The following STAU2 variants were observed in gnomAD, a reference collection of about 807,000 sequenced individuals.
The protein encoded by STAU2 is double-stranded RNA-binding protein Staufen homolog 2.
Under a neutral mutation model 65.9 loss-of-function variants are expected in STAU2, and 20 were observed. The observed-to-expected ratio is 0.30, with a 90% CI of 0.21 to 0.44. The LOEUF (loss-of-function observed/expected upper bound fraction) is 0.44, where lower values mean the gene tolerates loss of function less well. Ranked by LOEUF, STAU2 falls within the 20% of genes least tolerant of loss-of-function variation. STAU2 has a pLI of 1.00. For missense variants in STAU2, 558 were observed against 683.9 expected (o/e 0.82, Z 2.05); for synonymous variants, 232 against 233.9 (o/e 0.99, Z 0.07).
At chr8:73,713,059 A>G (rs936294606) in intron 3 of STAU2, among the ~76,000 whole-genome samples, 12 of 152,236 alleles carry the variant, frequency 7.9e-5, no homozygotes, top group Non-Finnish European at 1.5e-4. Context: ...CTCAAATATG[A>G]TATAAATTAT....
At chr8:73,483,764 A>C (rs62508177) in intron 13 of STAU2, among the ~76,000 whole-genome samples, 20,091 of 152,156 alleles carry the variant, frequency 0.13, 1,828 homozygotes, top group East Asian at 0.51. Context: ...GAATTCCATT[A>C]AGGCTCCAGG....
At chr8:73,647,649 G>C (rs1243200666) in intron 6 of STAU2, among the ~76,000 whole-genome samples, 1 of 151,572 alleles carries the variant, frequency 6.6e-6, no homozygotes, top group Non-Finnish European at 1.5e-5. Context: ...TGTGATCATG[G>C]CTCGTAGTAG....
At chr8:73,639,598 G>T (rs1004183853) in intron 6 of STAU2, among the ~76,000 whole-genome samples, 13 of 152,066 alleles carry the variant, frequency 8.5e-5, no homozygotes, top group African/African-American at 3.1e-4. Context: ...ATAAACTTCT[G>T]TATTACAACT....
chr8:73,706,649 A>G (rs572832983), intron 4 of STAU2, among the ~76,000 whole-genome samples: 2 of 152,280 alleles, frequency 1.3e-5, no homozygotes, highest in South Asian at 4.1e-4. Context: ...CATGCCAATT[A>G]TTCTAGTACT....
At chr8:73,599,318 A>G (rs946171340) in intron 10 of STAU2, among the ~76,000 whole-genome samples, 4 of 152,220 alleles carry the variant, frequency 2.6e-5, no homozygotes, top group Non-Finnish European at 5.9e-5. Context: ...AGCATTATTT[A>G]GAAAGGAAAG....
chr8:73,463,624 C>T (rs1435343982), intron 13 of STAU2, among the ~76,000 whole-genome samples: 1 of 152,146 alleles, frequency 6.6e-6, no homozygotes. Context: ...ACATTTGGAC[C>T]CTTACTTTTA....
In STAU2 at chr8:73,462,867, G is replaced by C. The variant is rs551427299; in HGVS notation, c.1531-40165C>G. Among the ~76,000 whole-genome samples, 13 of 152,206 alleles carry C rather than the reference G, an allele frequency of 8.5e-5. No individual in the cohort carries two copies. The South Asian group carries it at 2.7e-3, about 32-fold the overall frequency. On this transcript the variant is annotated intron_variant, in intron 13 of 14. Coordinates refer to ENST00000524300, the MANE Select transcript of STAU2 (RefSeq NM_001164380.2). ...AAGACAACTTCTTTGAGTGCCTTTAGAGTATACACAGCAAAGACTATGGGA... is the reference window on the plus strand; with the variant it reads ...AAGACAACTTCTTTGAGTGCCTTTACAGTATACACAGCAAAGACTATGGGA...
At chr8:73,428,907 G>C (rs1817042827) in intron 13 of STAU2, among the ~76,000 whole-genome samples, 1 of 152,166 alleles carries the variant, frequency 6.6e-6, no homozygotes, top group African/African-American at 2.4e-5. Flanking sequence ...TGCCAGGCAG[G>C]TCCCCCGTGC....
chr8:73,681,083 T>A (rs1563502376), intron 5 of STAU2, among the ~76,000 whole-genome samples: 1 of 152,044 alleles, frequency 6.6e-6, no homozygotes, highest in Non-Finnish European at 1.5e-5. Flanking sequence ...TTGCTGGAGA[T>A]CTAGACATCC....
At chr8:73,452,320 A>G (rs1198500200) in intron 13 of STAU2, among the ~76,000 whole-genome samples, 1 of 152,144 alleles carries the variant, frequency 6.6e-6, no homozygotes, top group Non-Finnish European at 1.5e-5. Context: ...GGAGGCTCAA[A>G]GGGCCCATTT....
intron 6 of STAU2, among the ~76,000 whole-genome samples, chr8:73,654,637 CAAAAAA>C (rs71269928): frequency 4.2e-4 from 11 of 26,308 alleles, no homozygotes; most frequent in South Asian, 3.4e-3. Flanking sequence ...AAGATTGTCT[CAAAAAA>C]AAAAAAAAAA....
intron 13 of STAU2, among the ~76,000 whole-genome samples, chr8:73,534,116 C>A (rs1180239357): frequency 6.6e-6 from 1 of 152,152 alleles, no homozygotes; most frequent in Non-Finnish European, 1.5e-5. Flanking sequence ...TTGATTAGTA[C>A]ACCTCAGATC....
chr8:73,697,383 C>T (rs984040422), intron 4 of STAU2: 3 of 152,054 alleles, frequency 2.0e-5, no homozygotes, highest in African/African-American at 7.3e-5. Flanking sequence ...AAACAAAAGC[C>T]GAAGGATTTC....
intron 13 of STAU2, among the ~76,000 whole-genome samples, chr8:73,535,270 C>T (rs1002086278): frequency 3.3e-5 from 5 of 152,160 alleles, no homozygotes; most frequent in African/African-American, 9.6e-5. Context: ...CCCGGGTTCA[C>T]GCCATTCTCC....
At chr8:73,520,269 A>C (rs550055484) in intron 13 of STAU2, among the ~76,000 whole-genome samples, 46 of 152,360 alleles carry the variant, frequency 3.0e-4, no homozygotes, top group African/African-American at 1.1e-3. Context: ...CTGAAATGTA[A>C]TAGTTTTAAA....
At chr8:73,481,920 T>A (rs4738373) in intron 13 of STAU2, among the ~76,000 whole-genome samples, 17,605 of 152,104 alleles carry the variant, frequency 0.12, 1,774 homozygotes, top group African/African-American at 0.26. Flanking sequence ...AGGTGGGCCA[T>A]TTTCTGAGTC....
chr8:73,703,833 C>T (rs752819427), intron 4 of STAU2, among the ~76,000 whole-genome samples: 11 of 152,108 alleles, frequency 7.2e-5, no homozygotes, highest in South Asian at 4.1e-4. Context: ...CGACAAGGAA[C>T]GAAAAAATGT....
intron 13 of STAU2, among the ~76,000 whole-genome samples, chr8:73,456,068 A>AT (rs1819042725): frequency 6.6e-6 from 1 of 152,250 alleles, no homozygotes; most frequent in Non-Finnish European, 1.5e-5. Context: ...ACGATGGGAC[A>AT]TGCTCTCCAG....
chr8:73,444,506 A>G (rs908710488), intron 13 of STAU2, among the ~76,000 whole-genome samples: 1 of 151,956 alleles, frequency 6.6e-6, no homozygotes, highest in African/African-American at 2.4e-5. Flanking sequence ...GAGGCTGAGG[A>G]GTGTAGCTGT....
Sources: gnomAD v4.1 joint callset for allele counts (sites outside exome capture counted in the v4.1 genomes callset) on GRCh38, gnomAD v4.1.1 for gene constraint, MANE v1.5 for transcripts, NCBI Gene and HGNC (gene_info 2026-07-23, HGNC 2026-07-21) for gene names.